Variants in CACNG8 observed in about 807,000 individuals in gnomAD.
The protein encoded by CACNG8 is voltage-dependent calcium channel gamma-8 subunit.
In CACNG8, 5 loss-of-function variants were observed where a neutral mutation model predicts 26.9. That is an observed-to-expected ratio of 0.19 (90% CI 0.10 to 0.39). CACNG8 has a LOEUF of 0.39. CACNG8 is among the 10% of genes least tolerant of loss of function. The pLI, the probability that CACNG8 is intolerant of heterozygous loss-of-function variation, is 1.00. For missense variants in CACNG8, 473 were observed against 609.4 expected (o/e 0.78, Z 2.36); for synonymous variants, 321 against 296.7 (o/e 1.08, Z -0.84).
At chr19:53,980,274 A>T (rs557121455) in intron 3 of CACNG8, among the ~76,000 whole-genome samples, 3 of 151,948 alleles carry the variant, frequency 2.0e-5, no homozygotes, top group African/African-American at 7.2e-5. Context: ...TCTGGCGCGT[A>T]AGACGCCGGG....
intron 1 of CACNG8, among the ~76,000 whole-genome samples, chr19:53,976,533 A>T (rs1305442692): frequency 6.6e-6 from 1 of 152,188 alleles, no homozygotes; most frequent in Non-Finnish European, 1.5e-5. Flanking sequence ...AATTCTTCCC[A>T]GTTCCTCCTT....
At chr19:53,980,146 G>C in intron 3 of CACNG8, 139 bp downstream of exon 3, 1 of 936,672 alleles carries the variant, frequency 1.1e-6, no homozygotes, top group Non-Finnish European at 1.5e-6. Flanking sequence ...CTTGCCCCGA[G>C]CACCCCCGGG....
chr19:53,975,909 T>C (rs2069328126), intron 1 of CACNG8, among the ~76,000 whole-genome samples: 1 of 152,192 alleles, frequency 6.6e-6, no homozygotes. Flanking sequence ...AGTACTTAAT[T>C]GTGTTCAAGG....
chr19:53,979,834 C>T (rs2069353446), intron 2 of CACNG8, 33 bp from the exon 3 acceptor site: 1 of 1,560,616 alleles, frequency 6.4e-7, no homozygotes, highest in African/African-American at 1.4e-5. Context: ...CGCCCTCGCT[C>T]TCCCTCCTTT....
In CACNG8 at chr19:53,969,240, T is replaced by C. The variant is rs2069288261; in HGVS notation, c.283+5815T>C. ...GCTGATCTCAAACTCCGGCCTCAGG[T>C]GATCTGCCCGCCTTGGCCTCCCAAA... On this transcript the variant is annotated intron_variant, in intron 1 of 3. Coordinates refer to ENST00000270458, the MANE Select transcript of CACNG8 (RefSeq NM_031895.6). 2.0e-5 allele frequency among the ~76,000 whole-genome samples: 3 copies of C among 152,140 alleles called. No homozygotes were observed. The South Asian group carries it at 6.2e-4, about 32-fold the overall frequency.
chr19:53,976,436 A>T (rs1397255429), intron 1 of CACNG8, among the ~76,000 whole-genome samples: 1 of 152,062 alleles, frequency 6.6e-6, no homozygotes, highest in African/African-American at 2.4e-5. Context: ...ATTTCATAGG[A>T]CTCTTGGGAG....
chr19:53,976,703 C>T (rs1364269955), intron 1 of CACNG8, among the ~76,000 whole-genome samples: 2 of 151,778 alleles, frequency 1.3e-5, no homozygotes, highest in Admixed American at 6.6e-5. Flanking sequence ...GACGGAGTCT[C>T]GCTTTGTCAC....
chr19:53,982,067 C>G lies in CACNG8; in HGVS notation c.509-13C>G, dbSNP rs749657719. On this transcript the variant is annotated splice_polypyrimidine_tract_variant and intron_variant, in intron 3 of 3. Transcript: ENST00000270458. This position sits in a 1 kb window ranked among gnomAD's most constrained non-coding sequence, Gnocchi z 8.4. ...GGTGGCCTCGAGGCTCCCGTCTGAC[C>G]GTCCCCGCCCAGGCCTGAGCAACAT... The G allele has an allele frequency of 5.8e-6, 9 of 1,542,230 alleles. No individual in the cohort carries two copies. The Admixed American group carries it at 1.2e-4, about 20-fold the overall frequency.
intron 3 of CACNG8, among the ~76,000 whole-genome samples, chr19:53,981,591 A>AT (rs1568802377): frequency 1.4e-5 from 2 of 147,122 alleles, no homozygotes; most frequent in African/African-American, 2.5e-5. Flanking sequence ...GCCGTGGGCT[A>AT]TCTGGGGGCA....
intron 3 of CACNG8, 72 bp downstream of exon 3, chr19:53,980,079 TGTGTGTGCGCGCGCGCGCGTGA>T: frequency 7.0e-7 from 1 of 1,419,594 alleles, no homozygotes; most frequent in Non-Finnish European, 9.4e-7. Flanking sequence ...TGTGTGTGTG[TGTGTGTGCGCGCGCGCGCGTGA>T]GTGCAAGTGC....
rs2069419707 is a variant in CACNG8, at chr19:53,988,290, GT to G, written c.*5442del. The G allele has an allele frequency of 6.6e-6, 1 of 152,136 alleles. No homozygotes were observed. Among genetic ancestry groups the G allele is most frequent in the Non-Finnish European group, 1.5e-5 (1 of 68,268 alleles). 9.4% of individuals were successfully genotyped at this position (152,136 alleles called of 1,614,324 possible). On this transcript the variant is annotated 3_prime_UTR_variant, in exon 4 of 4. Transcript: ENST00000270458. ...CAGGCAAGTGTGTGTGTGTGTGTGT[GT>G]GTGTGTGTGTGTGTAACTGACACAA...
At chr19:53,970,042 C>T (rs1044511652) in intron 1 of CACNG8, among the ~76,000 whole-genome samples, 3 of 152,126 alleles carry the variant, frequency 2.0e-5, no homozygotes, top group Non-Finnish European at 4.4e-5. Flanking sequence ...GCTGGCAGGG[C>T]GCGGTGGCTC....
intron 1 of CACNG8, among the ~76,000 whole-genome samples, chr19:53,966,326 G>C (rs953659770): frequency 6.6e-6 from 1 of 152,092 alleles, no homozygotes; most frequent in African/African-American, 2.4e-5. Flanking sequence ...GACCTCAAGT[G>C]ATTGGCCCGC....
At chr19:53,981,171 A>G (rs1009531911) in intron 3 of CACNG8, among the ~76,000 whole-genome samples, 2 of 152,206 alleles carry the variant, frequency 1.3e-5, no homozygotes, top group Admixed American at 1.3e-4. Context: ...GAGAGATTAG[A>G]TAAGTGAAAG....
intron 2 of CACNG8, 64 bp downstream of exon 2, chr19:53,978,293 G>C (rs2069342145): frequency 1.5e-6 from 2 of 1,348,838 alleles, no homozygotes. Context: ...AAGGCGTCGG[G>C]GTGGGTGCCG....
rs993156396 is a variant in CACNG8, at chr19:53,987,604, G to A, written c.*4755G>A. The A allele has an allele frequency of 1.3e-5, 2 of 152,350 alleles. No homozygotes were observed. Among genetic ancestry groups the A allele is most frequent in the African/African-American group, 4.8e-5 (2 of 41,404 alleles). The allele number at this position is 152,350 out of a possible 1,614,324, so 9.4% of individuals were successfully genotyped here. ...GATGTCATAGAGGAGGGAAGGAAAAGGAACCAGGAAGAGAAGAACTCTCTG... is the reference window on the plus strand; with the variant it reads ...GATGTCATAGAGGAGGGAAGGAAAAAGAACCAGGAAGAGAAGAACTCTCTG... On this transcript the variant is annotated 3_prime_UTR_variant, in exon 4 of 4. Coordinates refer to ENST00000270458, the MANE Select transcript of CACNG8 (RefSeq NM_031895.6).
chr19:53,964,210 T>TC (rs1015772697), intron 1 of CACNG8, among the ~76,000 whole-genome samples: 30 of 150,044 alleles, frequency 2.0e-4, no homozygotes, highest in Non-Finnish European at 3.4e-4. Flanking sequence ...TCCCGACATT[T>TC]CCCCCCCAGT....
In CACNG8 at chr19:53,982,874, C is replaced by T. The variant is rs773963704; in HGVS notation, c.*25C>T. The stretch of plus-strand genomic sequence containing the variant: ...GGGGCGCGGCGGGGGAGCCGAGGGG[C>T]GTGTCCGGGGCGCGTGCGCGGGCGC... On this transcript the variant is annotated 3_prime_UTR_variant, in exon 4 of 4. Coordinates refer to ENST00000270458, the MANE Select transcript of CACNG8 (RefSeq NM_031895.6). The surrounding 1 kb of genome is among the most constrained non-coding windows in gnomAD (Gnocchi z 8.4). 3.0e-5 allele frequency: 38 copies of T among 1,250,728 alleles called. No homozygotes were observed. The South Asian group carries it at 7.7e-4, about 25-fold the overall frequency. The allele number at this position is 1,250,728 out of a possible 1,614,324, so 77.5% of individuals were successfully genotyped here.
intron 1 of CACNG8, among the ~76,000 whole-genome samples, chr19:53,963,761 C>A (rs535241592): frequency 1.3e-5 from 2 of 152,030 alleles, no homozygotes; most frequent in South Asian, 4.2e-4. Flanking sequence ...GTACCTGGGG[C>A]TCCTCCTGTT....
Sources: allele counts gnomAD v4.1 joint callset (sites outside exome capture counted in the v4.1 genomes callset), GRCh38; gene constraint gnomAD v4.1.1; non-coding constraint Gnocchi (gnomAD v3.1); transcripts MANE v1.5; gene names NCBI Gene and HGNC (gene_info 2026-07-23, HGNC 2026-07-21).